The following TLK1 variants were observed in gnomAD, a reference collection of about 807,000 sequenced individuals.
The protein encoded by TLK1 is tousled like kinase 1.
In TLK1, 24 loss-of-function variants were observed where a neutral mutation model predicts 105.3. The observed-to-expected ratio is 0.23, with a 90% CI of 0.17 to 0.32. The LOEUF is 0.32. TLK1 is among the 10% of genes least tolerant of loss of function. The probability of loss-of-function intolerance (pLI) is 1.00; values close to 1 mark genes in which losing one functional copy is unlikely to be tolerated. For synonymous variants in TLK1, 321 were observed against 310.4 expected, an observed-to-expected ratio of 1.03 and a Z score of -0.36; for missense variants, 558 against 910.5, an observed-to-expected ratio of 0.61 and a Z score of 4.98.
At chr2:171,120,962 TGAAAAATGAA>T (rs1690629919) in intron 1 of TLK1, among the ~76,000 whole-genome samples, 1 of 152,124 alleles carries the variant, frequency 6.6e-6, no homozygotes, top group Admixed American at 6.6e-5. Flanking sequence ...TTATTCAGCC[TGAAAAATGAA>T]GAAAATATGG....
At chr2:171,231,259 T>C (rs1249058212) in exon 1 of TLK1, 1 of 152,328 alleles carries the variant, frequency 6.6e-6, no homozygotes, top group South Asian at 2.1e-4. Flanking sequence ...TCCTAGCTTC[T>C]GGTGCTGCTG....
intron 3 of TLK1, among the ~76,000 whole-genome samples, chr2:171,063,296 A>C (rs1359695037): frequency 6.6e-6 from 1 of 152,162 alleles, no homozygotes; most frequent in Non-Finnish European, 1.5e-5. Context: ...CAGTGAGCCA[A>C]GATCACACCA....
chr2:171,131,096 G>A (rs1385989856), intron 1 of TLK1, among the ~76,000 whole-genome samples: 1 of 150,278 alleles, frequency 6.7e-6, no homozygotes, highest in East Asian at 1.9e-4. Flanking sequence ...TAGATGCAGA[G>A]ATCTATATAT....
At chr2:171,056,006 A>G (rs1401180150) in intron 6 of TLK1, among the ~76,000 whole-genome samples, 1 of 152,068 alleles carries the variant, frequency 6.6e-6, no homozygotes, top group Non-Finnish European at 1.5e-5. Context: ...AAAAAACCAA[A>G]AAGTTTAAGA....
chr2:171,146,739 T>C (rs1691806579), intron 1 of TLK1, among the ~76,000 whole-genome samples: 3 of 152,204 alleles, frequency 2.0e-5, no homozygotes, highest in Admixed American at 2.0e-4. Context: ...CTCCCTTCTG[T>C]AGGGAGTACT....
chr2:171,220,332 C>T (rs1324892909), intron 1 of TLK1, among the ~76,000 whole-genome samples: 1 of 152,152 alleles, frequency 6.6e-6, no homozygotes, highest in Non-Finnish European at 1.5e-5. Context: ...GGTGATTTGC[C>T]TCTTGATATT....
At chr2:171,042,935 T>TAA (rs1686758407) in intron 11 of TLK1, among the ~76,000 whole-genome samples, 2 of 151,944 alleles carry the variant, frequency 1.3e-5, no homozygotes, top group African/African-American at 4.8e-5. Context: ...AAGGTTTACA[T>TAA]AAAGGGTCTT....
intron 2 of TLK1, among the ~76,000 whole-genome samples, chr2:171,112,779 C>T (rs530079235): frequency 1.3e-5 from 2 of 152,068 alleles, no homozygotes; most frequent in South Asian, 4.2e-4. Context: ...CAGCAAAAAT[C>T]AACTAGAAAA....
intron 1 of TLK1, among the ~76,000 whole-genome samples, chr2:171,172,718 C>T (rs1223227886): frequency 6.6e-6 from 1 of 152,128 alleles, no homozygotes; most frequent in African/African-American, 2.4e-5. Context: ...GCCTACTTCC[C>T]CTTCGCCTTC....
intron 3 of TLK1, among the ~76,000 whole-genome samples, chr2:171,061,992 G>A (rs1687773974): frequency 6.6e-6 from 1 of 152,128 alleles, no homozygotes; most frequent in Admixed American, 6.5e-5. Context: ...GCAAGCATCT[G>A]GCTTTTTACA....
intron 2 of TLK1, among the ~76,000 whole-genome samples, chr2:171,088,622 T>C (rs1229659630): frequency 6.6e-6 from 1 of 151,668 alleles, no homozygotes; most frequent in Non-Finnish European, 1.5e-5. Context: ...ACAAATAGAG[T>C]ATTTACAAAG....
At chr2:171,137,386 A>T (rs1345786561) in intron 1 of TLK1, among the ~76,000 whole-genome samples, 1 of 152,192 alleles carries the variant, frequency 6.6e-6, no homozygotes, top group Non-Finnish European at 1.5e-5. Context: ...GAATATCAAC[A>T]AATTAAAATG....
At chr2:171,182,935 AAAAG>A (rs750018547) in intron 1 of TLK1, among the ~76,000 whole-genome samples, 1,405 of 128,734 alleles carry the variant, frequency 0.011, 20 homozygotes, top group African/African-American at 0.03. Context: ...AAAAAAAAAA[AAAAG>A]AAAGAAAGAA....
intron 2 of TLK1, among the ~76,000 whole-genome samples, chr2:171,107,634 A>T (rs1689986128): frequency 6.6e-6 from 1 of 152,254 alleles, no homozygotes; most frequent in African/African-American, 2.4e-5. Context: ...GAGGGAAGCC[A>T]GAAATGTCTT....
intron 1 of TLK1, among the ~76,000 whole-genome samples, chr2:171,167,416 A>C (rs996823662): frequency 1.3e-5 from 2 of 152,110 alleles, no homozygotes; most frequent in African/African-American, 4.8e-5. Context: ...CAATCTCAAC[A>C]CGCCCCCTCA....
At chr2:171,193,685 G>A (rs1177148797) in intron 1 of TLK1, among the ~76,000 whole-genome samples, 2 of 144,624 alleles carry the variant, frequency 1.4e-5, no homozygotes, top group Non-Finnish European at 3.0e-5. Context: ...ATAGGCGTGA[G>A]CCACAGCGCC....
At chr2:171,001,790 T>G (rs933955704) in intron 18 of TLK1, among the ~76,000 whole-genome samples, 5 of 152,142 alleles carry the variant, frequency 3.3e-5, no homozygotes, top group South Asian at 2.1e-4. Flanking sequence ...ATTCATTCAT[T>G]CATGAATGAA....
At chr2:171,167,001 T>C (rs972264504) in intron 1 of TLK1, among the ~76,000 whole-genome samples, 11 of 152,106 alleles carry the variant, frequency 7.2e-5, no homozygotes, top group African/African-American at 2.4e-4. Flanking sequence ...CTAAATCATA[T>C]ATTGTTCAGG....
chr2:171,067,445 G>A (rs996544914), intron 3 of TLK1, among the ~76,000 whole-genome samples: 2 of 152,046 alleles, frequency 1.3e-5, no homozygotes, highest in African/African-American at 4.8e-5. Context: ...ACAGGCATGA[G>A]CCACCACGCC....
Sources: allele counts gnomAD v4.1 joint callset (sites outside exome capture counted in the v4.1 genomes callset), GRCh38; gene constraint gnomAD v4.1.1; transcripts MANE v1.5; gene names NCBI Gene and HGNC (gene_info 2026-07-23, HGNC 2026-07-21).